Variants in ZFHX4 observed in about 807,000 individuals in gnomAD.
ZFHX4 encodes the protein zinc finger homeobox protein 4.
ZFHX4 carries 56 observed loss-of-function variants against 267.6 expected under a neutral mutation model. The ratio of observed to expected loss-of-function variants is 0.21; its 90% CI spans 0.17 to 0.26. The LOEUF (loss-of-function observed/expected upper bound fraction) is 0.26. Among genes scored for constraint, ZFHX4 ranks in the 10% least tolerant of loss-of-function variants. The pLI is 1.00. For missense variants in ZFHX4, 4,332 were observed against 4,420.0 expected (o/e 0.98, Z 0.56); for synonymous variants, 1,778 against 1,665.6 (o/e 1.07, Z -1.64).
intron 4 of ZFHX4, among the ~76,000 whole-genome samples, chr8:76,816,886 G>A (rs546167502): frequency 6.7e-4 from 102 of 152,184 alleles, no homozygotes; most frequent in Middle Eastern, 3.4e-3. Flanking sequence ...GTGAGCCACC[G>A]TGCCCAGCCT....
intron 3 of ZFHX4, among the ~76,000 whole-genome samples, chr8:76,745,482 C>T (rs369370256): frequency 6.6e-6 from 1 of 151,908 alleles, no homozygotes; most frequent in African/African-American, 2.4e-5. Context: ...TAAGTCTGTA[C>T]TTACTTGTTT....
At chr8:76,810,736 C>T (rs894425793) in intron 4 of ZFHX4, among the ~76,000 whole-genome samples, 2 of 152,012 alleles carry the variant, frequency 1.3e-5, no homozygotes, top group African/African-American at 4.8e-5. Flanking sequence ...GAATTTATTT[C>T]AATAAATATT....
At chr8:76,697,389 A>G (rs1300462088) in intron 1 of ZFHX4, among the ~76,000 whole-genome samples, 3 of 152,016 alleles carry the variant, frequency 2.0e-5, no homozygotes, top group Non-Finnish European at 2.9e-5. Flanking sequence ...AAAACCAATT[A>G]AGATTAATTT....
At chr8:76,690,061 C>A (rs1258460897) in intron 1 of ZFHX4, among the ~76,000 whole-genome samples, 1 of 151,960 alleles carries the variant, frequency 6.6e-6, no homozygotes, top group African/African-American at 2.4e-5. Context: ...GATAATAGAT[C>A]ATTTCTAATG....
intron 3 of ZFHX4, among the ~76,000 whole-genome samples, chr8:76,732,989 A>C (rs946618796): frequency 2.0e-5 from 3 of 152,158 alleles, no homozygotes; most frequent in East Asian, 1.9e-4. Context: ...AGCAGAGACT[A>C]TTTAGACAGA....
chr8:76,692,088 A>G (rs185450067), intron 1 of ZFHX4, among the ~76,000 whole-genome samples: 2 of 152,170 alleles, frequency 1.3e-5, no homozygotes, highest in Admixed American at 1.3e-4. Flanking sequence ...CTCCATCACT[A>G]CAAGCTGGTT....
intron 3 of ZFHX4, among the ~76,000 whole-genome samples, chr8:76,741,100 A>G (rs1809303899): frequency 6.6e-6 from 1 of 152,328 alleles, no homozygotes; most frequent in East Asian, 1.9e-4. Flanking sequence ...AGAAAATTAC[A>G]AGAGTAGAGG....
Position 76,706,039 on chromosome 8 carries a change from T to G in ZFHX4, c.1951T>G (p.Trp651Gly), listed in dbSNP as rs1314363469. 1 of 1,613,470 alleles carries G rather than the reference T, an allele frequency of 6.2e-7. No homozygotes were observed. Among genetic ancestry groups the G allele is most frequent in the South Asian group, 1.1e-5 (1 of 91,042 alleles). ...AACCCTCAAATGTCCTAAATGTAAC[T>G]GGCACTACAAATATCAGCAGACCCT... ...CKTLKCPKCN[W>G]HYKYQQTLEA... The change falls in exon 2 of 11, where the codon TGG becomes GGG. Residue 651 changes from tryptophan to glycine, a missense_variant. Trp to Gly is a radical substitution (Grantham distance 184). This residue lies in a region of ZFHX4 where 1,195 missense variants were observed against 1,173.6 expected (regional missense o/e 1.02). Coordinates refer to ENST00000651372, the MANE Select transcript of ZFHX4 (RefSeq NM_024721.5).
intron 5 of ZFHX4, among the ~76,000 whole-genome samples, 170 bp from the exon 6 acceptor site, chr8:76,842,485 C>T (rs921398019): frequency 6.6e-6 from 1 of 152,180 alleles, no homozygotes; most frequent in African/African-American, 2.4e-5. Flanking sequence ...TGCATTGGTA[C>T]AGTCAGCATG....
chr8:76,704,622 T>A lies in ZFHX4; in HGVS notation c.534T>A (p.Asp178Glu), dbSNP rs756546962. ...DSLASAGEKS[D>E]QSASAPMSFY... ...TGGCATCTGCTGGAGAGAAGAGTGA[T>A]CAGTCTGCTTCTGCACCTATGTCGT... The change falls in exon 2 of 11, where the codon GAT becomes GAA. Residue 178 changes from aspartate (D) to glutamate (E), a missense_variant. Asp to Glu is a conservative substitution (Grantham distance 45). Around this residue, in one of 7 missense-constraint regions of ZFHX4, gnomAD observed 1,195 missense variants for 1,173.6 expected, o/e 1.02. Coordinates refer to ENST00000651372, the MANE Select transcript of ZFHX4 (RefSeq NM_024721.5). The A allele has an allele frequency of 1.2e-6, 2 of 1,614,006 alleles. No individual in the cohort carries two copies. Among genetic ancestry groups the A allele is most frequent in the South Asian group, 1.1e-5 (1 of 91,074 alleles).
intron 3 of ZFHX4, among the ~76,000 whole-genome samples, chr8:76,735,437 A>G (rs1395447145): frequency 6.6e-6 from 1 of 152,162 alleles, no homozygotes; most frequent in Non-Finnish European, 1.5e-5. Flanking sequence ...TTAGAATTCA[A>G]CAAAATTAGC....
intron 5 of ZFHX4, 21 bp from the exon 6 acceptor site, chr8:76,842,634 T>C (rs1812264777): frequency 1.3e-6 from 2 of 1,537,254 alleles, no homozygotes; most frequent in Non-Finnish European, 1.8e-6. Flanking sequence ...GTTCTACTGA[T>C]TGGTCTGCCT....
intron 4 of ZFHX4, among the ~76,000 whole-genome samples, chr8:76,810,424 C>A (rs1425711405): frequency 6.6e-6 from 1 of 152,118 alleles, no homozygotes; most frequent in Admixed American, 6.6e-5. Flanking sequence ...TGATTGAACC[C>A]TGCTGAAGTG....
At chr8:76,770,537 T>C (rs550595686) in intron 3 of ZFHX4, among the ~76,000 whole-genome samples, 114 of 152,200 alleles carry the variant, frequency 7.5e-4, no homozygotes, top group Admixed American at 1.8e-3. Context: ...TATTTAGGAA[T>C]TGGAGATAAA....
chr8:76,798,724 C>T (rs930440720), intron 4 of ZFHX4, among the ~76,000 whole-genome samples: 5 of 152,172 alleles, frequency 3.3e-5, no homozygotes, highest in Non-Finnish European at 7.4e-5. Context: ...AATACATTTG[C>T]TGTACAGGAA....
At chr8:76,732,234 T>C (rs1346526045) in intron 3 of ZFHX4, among the ~76,000 whole-genome samples, 8 of 152,118 alleles carry the variant, frequency 5.3e-5, no homozygotes, top group Admixed American at 5.2e-4. Flanking sequence ...TTATCATGAG[T>C]TGAATATCTT....
chr8:76,753,345 A>G (rs1809672891), intron 3 of ZFHX4, among the ~76,000 whole-genome samples: 1 of 152,184 alleles, frequency 6.6e-6, no homozygotes, highest in Non-Finnish European at 1.5e-5. Flanking sequence ...CAGGGCATAT[A>G]TCCAATTAGC....
At chr8:76,757,586 T>G (rs1490421062) in intron 3 of ZFHX4, among the ~76,000 whole-genome samples, 3 of 152,186 alleles carry the variant, frequency 2.0e-5, no homozygotes, top group Non-Finnish European at 4.4e-5. Flanking sequence ...TCTGTTCCAT[T>G]CTACTCTCAT....
chr8:76,815,933 T>A (rs1363946580), intron 4 of ZFHX4, among the ~76,000 whole-genome samples: 2 of 152,182 alleles, frequency 1.3e-5, no homozygotes, highest in Non-Finnish European at 2.9e-5. Context: ...ACAAGTAACA[T>A]GTATGAGGTA....
Sources: allele counts gnomAD v4.1 joint callset (sites outside exome capture counted in the v4.1 genomes callset), GRCh38; gene constraint gnomAD v4.1.1; regional missense constraint gnomAD v4.1.1; transcripts MANE v1.5; gene names NCBI Gene and HGNC (gene_info 2026-07-23, HGNC 2026-07-21).